XPR1: variants seen among roughly 807,000 people sequenced by gnomAD.
XPR1 encodes xenotropic and polytropic retrovirus receptor 1.
Under a neutral mutation model 87.5 loss-of-function variants are expected in XPR1, and 28 were observed. The observed-to-expected ratio is 0.32, with a 90% CI of 0.24 to 0.44. XPR1 has a LOEUF of 0.44. Ranked by LOEUF, XPR1 falls within the 20% of genes least tolerant of loss-of-function variation. The probability of loss-of-function intolerance (pLI) is 1.00; values close to 1 mark genes in which losing one functional copy is unlikely to be tolerated. For missense variants in XPR1, 559 were observed against 862.3 expected, an observed-to-expected ratio of 0.65 and a Z score of 4.41; for synonymous variants, 300 against 306.1, an observed-to-expected ratio of 0.98 and a Z score of 0.21.
At chr1:180,844,954 T>C (rs1453366368) in intron 11 of XPR1, among the ~76,000 whole-genome samples, 2 of 152,214 alleles carry the variant, frequency 1.3e-5, no homozygotes, top group African/African-American at 4.8e-5. Flanking sequence ...AGTATACTTC[T>C]GCCATGGAAA....
chr1:180,659,385 T>TCCG (rs1655676841), intron 1 of XPR1, among the ~76,000 whole-genome samples: 7 of 20,314 alleles, frequency 3.4e-4, no homozygotes, highest in Middle Eastern at 0.033. Context: ...CCTTCCGTCC[T>TCCG]TCCTTCCTTC....
intron 2 of XPR1, among the ~76,000 whole-genome samples, chr1:180,718,762 G>C (rs1351747938): frequency 1.3e-5 from 2 of 151,568 alleles, no homozygotes; most frequent in African/African-American, 4.9e-5. Context: ...CCTGCCTCTG[G>C]GGTTCAAGCG....
At chr1:180,825,716 G>A (rs950533400) in intron 9 of XPR1, among the ~76,000 whole-genome samples, 1 of 152,168 alleles carries the variant, frequency 6.6e-6, no homozygotes, top group South Asian at 2.1e-4. Flanking sequence ...TTCTCTAAAA[G>A]CAGTAGGAAT....
chr1:180,726,757 A>G (rs1304178767), intron 2 of XPR1, among the ~76,000 whole-genome samples: 2 of 152,106 alleles, frequency 1.3e-5, no homozygotes, highest in Non-Finnish European at 2.9e-5. Context: ...TCTTCTCACC[A>G]TTTTGGAGGG....
At position 180,825,252 on chromosome 1, in the gene XPR1, C is replaced by T; in HGVS notation, c.1042C>T (p.Pro348Ser). ...PISVIPTYVY[P>S]LALYGFMVFF... ...TAGTGTCATCCCCACATATGTGTAT[C>T]CACTTGCCCTTTATGGATTTATGGT... is the stretch of plus-strand genomic sequence containing the variant. Residue 348 changes from proline (P) to serine (S), a missense_variant, in exon 9 of 15, where the codon CCA becomes TCA. Physicochemically the swap from Pro to Ser is moderately conservative, Grantham distance 74 (BLOSUM62 -1). Transcript: ENST00000367590. 1 of 1,614,078 alleles carries T rather than the reference C, an allele frequency of 6.2e-7. No homozygotes were observed. Among genetic ancestry groups the T allele is most frequent in the Non-Finnish European group, 8.5e-7 (1 of 1,179,986 alleles).
Position 180,632,041 on chromosome 1 carries a change from T to C in XPR1, c.-161T>C, listed in dbSNP as rs1032890107. The C allele has an allele frequency of 6.5e-6, 5 of 766,500 alleles. No individual in the cohort carries two copies. Among genetic ancestry groups the C allele is most frequent in the African/African-American group, 1.7e-5 (1 of 57,868 alleles). The allele number at this position is 766,500 out of a possible 1,614,324, so 47.5% of individuals were successfully genotyped here. On this transcript the variant is annotated 5_prime_UTR_variant, in exon 1 of 15. An upstream start codon of the reference 5' UTR is lost. Coordinates refer to ENST00000367590, the MANE Select transcript of XPR1 (RefSeq NM_004736.4). ...GGGGCTATGGAGAGGAGGAGGAAGA[T>C]GGCGGGCGGGCTGCTCTGAAGAGAC...
intron 2 of XPR1, among the ~76,000 whole-genome samples, chr1:180,779,503 C>T (rs1308070782): frequency 6.6e-6 from 1 of 151,808 alleles, no homozygotes; most frequent in Non-Finnish European, 1.5e-5. Context: ...ACCTGTAATC[C>T]CAGCATTTTG....
In XPR1 at chr1:180,749,308, T is replaced by C. The variant is rs137855770; in HGVS notation, c.122-38445T>C. On this transcript the variant is annotated intron_variant, in intron 2 of 14. Transcript: ENST00000367590. The stretch of plus-strand genomic sequence containing the variant: ...TATTATTGTGAATAGCACAAAACAT[T>C]GAGGACATGTTCTAAACTATTGTCT... Among the ~76,000 whole-genome samples, 123 of 152,380 alleles carry C rather than the reference T, an allele frequency of 8.1e-4. 1 individual carries two copies. In the East Asian group the frequency reaches 0.021, roughly 26 times the overall value.
chr1:180,798,234 A>C (rs1649657845), intron 3 of XPR1, among the ~76,000 whole-genome samples: 1 of 152,192 alleles, frequency 6.6e-6, no homozygotes, highest in Non-Finnish European at 1.5e-5. Flanking sequence ...AATCATTAAA[A>C]TTGACTAGGC....
intron 2 of XPR1, among the ~76,000 whole-genome samples, chr1:180,698,192 T>C (rs1001975329): frequency 9.9e-5 from 15 of 152,178 alleles, no homozygotes; most frequent in African/African-American, 3.6e-4. Context: ...TTAATGACCT[T>C]CTTTGTCTCA....
At chr1:180,755,328 A>G (rs1647690328) in intron 2 of XPR1, among the ~76,000 whole-genome samples, 1 of 152,230 alleles carries the variant, frequency 6.6e-6, no homozygotes, top group African/African-American at 2.4e-5. Flanking sequence ...TAATAAGTTA[A>G]GAAGCAGGTG....
chr1:180,807,868 G>C (rs144456677), intron 6 of XPR1, among the ~76,000 whole-genome samples: 1 of 152,068 alleles, frequency 6.6e-6, no homozygotes, highest in African/African-American at 2.4e-5. Context: ...GCTGGGCTTC[G>C]TGGCACATGC....
chr1:180,786,548 C>A (rs1466840637), intron 2 of XPR1, among the ~76,000 whole-genome samples: 1 of 152,162 alleles, frequency 6.6e-6, no homozygotes, highest in Non-Finnish European at 1.5e-5. Flanking sequence ...GAAACATACC[C>A]TTTTAGGCTT....
chr1:180,666,556 G>A (rs1028314521), intron 1 of XPR1, among the ~76,000 whole-genome samples: 3 of 152,086 alleles, frequency 2.0e-5, no homozygotes, highest in Non-Finnish European at 4.4e-5. Flanking sequence ...TTGTTAAATG[G>A]AATTGCTGTC....
intron 7 of XPR1, among the ~76,000 whole-genome samples, chr1:180,818,845 T>C (rs951869035): frequency 4.5e-4 from 69 of 152,370 alleles, no homozygotes; most frequent in African/African-American, 1.6e-3. Flanking sequence ...TTCATTGTAT[T>C]GCTTATATAT....
At chr1:180,733,556 G>C (rs1370797106) in intron 2 of XPR1, among the ~76,000 whole-genome samples, 1 of 152,168 alleles carries the variant, frequency 6.6e-6, no homozygotes, top group African/African-American at 2.4e-5. Context: ...ATGAAGGAAG[G>C]GTTTGTCAGC....
At chr1:180,806,922 T>TA (rs35152584) in intron 6 of XPR1, among the ~76,000 whole-genome samples, 1 of 152,064 alleles carries the variant, frequency 6.6e-6, no homozygotes, top group Non-Finnish European at 1.5e-5. Flanking sequence ...ACAGTAGTTA[T>TA]AAAAAAAGAA....
At chr1:180,837,413 G>A (rs1226981551) in intron 11 of XPR1, among the ~76,000 whole-genome samples, 3 of 152,112 alleles carry the variant, frequency 2.0e-5, no homozygotes, top group South Asian at 2.1e-4. Flanking sequence ...GTAAAGAGAT[G>A]TTACTAATTG....
chr1:180,825,438 C>CAG, intron 9 of XPR1, 94 bp downstream of exon 9: 1 of 1,292,902 alleles, frequency 7.7e-7, no homozygotes, highest in Non-Finnish European at 1.0e-6. Flanking sequence ...TGTACAACTG[C>CAG]AGAGGCCGTG....
Sources: allele counts gnomAD v4.1 joint callset (sites outside exome capture counted in the v4.1 genomes callset), GRCh38; gene constraint gnomAD v4.1.1; transcripts MANE v1.5; gene names NCBI Gene and HGNC (gene_info 2026-07-23, HGNC 2026-07-21).